Variants in SLC24A2 observed in about 807,000 individuals in gnomAD.
SLC24A2 encodes sodium/potassium/calcium exchanger 2.
Under a neutral mutation model 62.0 loss-of-function variants are expected in SLC24A2, and 36 were observed. The ratio of observed to expected loss-of-function variants is 0.58; its 90% CI spans 0.44 to 0.77. The LOEUF is 0.77. Ranked by LOEUF, SLC24A2 falls within the 30% of genes least tolerant of loss-of-function variation. The pLI, the probability that SLC24A2 is intolerant of heterozygous loss-of-function variation, is 0.00. For missense variants in SLC24A2, 846 were observed against 817.9 expected (o/e 1.03, Z -0.42); for synonymous variants, 358 against 294.0 (o/e 1.22, Z -2.23).
the SLC24A2 span, among the ~76,000 whole-genome samples, chr9:20,067,565 T>A: frequency 6.6e-6 from 1 of 152,154 alleles, no homozygotes; most frequent in Non-Finnish European, 1.5e-5. Flanking sequence ...GTCCACAGTA[T>A]CTATTGTTCC....
chr9:19,528,990 C>T (rs1024304457), intron 8 of SLC24A2, among the ~76,000 whole-genome samples: 2 of 152,132 alleles, frequency 1.3e-5, no homozygotes, highest in South Asian at 2.1e-4. Flanking sequence ...GTGTTTCTTA[C>T]CCAGTCCCAC....
chr9:19,992,899 A>G, the SLC24A2 span, among the ~76,000 whole-genome samples: 1 of 152,198 alleles, frequency 6.6e-6, no homozygotes, highest in African/African-American at 2.4e-5. Context: ...ATTTTTCATC[A>G]GTGTGGGGTA....
chr9:19,571,076 G>C (rs972106084), intron 7 of SLC24A2, among the ~76,000 whole-genome samples: 1 of 152,214 alleles, frequency 6.6e-6, no homozygotes, highest in South Asian at 2.1e-4. Flanking sequence ...CTGTCAGCCA[G>C]ATGGAGAGGC....
the SLC24A2 span, among the ~76,000 whole-genome samples, chr9:19,977,454 G>C: frequency 1.3e-5 from 2 of 152,086 alleles, no homozygotes; most frequent in African/African-American, 4.8e-5. Flanking sequence ...GATGATGGTC[G>C]TGGAGCATGA....
chr9:20,026,737 G>C, the SLC24A2 span, among the ~76,000 whole-genome samples: 14 of 152,120 alleles, frequency 9.2e-5, no homozygotes, highest in African/African-American at 3.1e-4. Context: ...AGAAAACATA[G>C]GGGAAAAGCT....
the SLC24A2 span, among the ~76,000 whole-genome samples, chr9:20,066,900 T>C: frequency 6.6e-6 from 1 of 152,320 alleles, no homozygotes; most frequent in Admixed American, 6.5e-5. Flanking sequence ...GGCTAATTGT[T>C]TGGAGTGATC....
At chr9:20,140,485 G>A in the SLC24A2 span, among the ~76,000 whole-genome samples, 1 of 152,166 alleles carries the variant, frequency 6.6e-6, no homozygotes, top group African/African-American at 2.4e-5. Flanking sequence ...GAAGACTCAG[G>A]CAGACTGGAA....
intron 8 of SLC24A2, among the ~76,000 whole-genome samples, chr9:19,535,917 A>G (rs754948787): frequency 3.9e-5 from 6 of 152,130 alleles, no homozygotes; most frequent in Non-Finnish European, 8.8e-5. Flanking sequence ...CATTGAATCT[A>G]TAAATTACTT....
the SLC24A2 span, among the ~76,000 whole-genome samples, chr9:19,948,727 C>T: frequency 2.0e-5 from 3 of 150,866 alleles, no homozygotes; most frequent in Admixed American, 2.0e-4. Context: ...CGCCTGTAGT[C>T]CCAGCTACTC....
the SLC24A2 span, among the ~76,000 whole-genome samples, chr9:19,851,843 C>T: frequency 1.3e-5 from 2 of 152,090 alleles, no homozygotes; most frequent in East Asian, 1.9e-4. Flanking sequence ...TGGGTATATA[C>T]CCAGTAATGG....
the SLC24A2 span, among the ~76,000 whole-genome samples, chr9:19,842,041 C>A: frequency 6.6e-6 from 1 of 152,332 alleles, no homozygotes; most frequent in Non-Finnish European, 1.5e-5. Flanking sequence ...CCACCATTCC[C>A]TGTGGGAACT....
At chr9:19,844,141 A>G in the SLC24A2 span, among the ~76,000 whole-genome samples, 2 of 152,252 alleles carry the variant, frequency 1.3e-5, no homozygotes, top group East Asian at 3.8e-4. Flanking sequence ...CATTGCCACC[A>G]ACAGTGTATA....
the SLC24A2 span, among the ~76,000 whole-genome samples, chr9:19,829,797 G>GTA: frequency 1.3e-4 from 11 of 87,552 alleles, no homozygotes; most frequent in East Asian, 4.8e-4. Flanking sequence ...GTGTGTGTGT[G>GTA]TATATATATA....
chr9:20,246,855 C>T, the SLC24A2 span, among the ~76,000 whole-genome samples: 6 of 152,216 alleles, frequency 3.9e-5, no homozygotes, highest in Non-Finnish European at 8.8e-5. Flanking sequence ...CCAGTCCCAA[C>T]TGAAGCTGCC....
chr9:19,620,449 C>G (rs1468198019), intron 3 of SLC24A2, among the ~76,000 whole-genome samples: 1 of 152,180 alleles, frequency 6.6e-6, no homozygotes, highest in Non-Finnish European at 1.5e-5. Context: ...ATCATGAAAC[C>G]ATGAGAACTC....
the SLC24A2 span, among the ~76,000 whole-genome samples, chr9:20,111,518 A>T: frequency 1.3e-5 from 2 of 152,194 alleles, no homozygotes; most frequent in Non-Finnish European, 2.9e-5. Flanking sequence ...TGAATATGCC[A>T]TCTGTTTCTA....
intron 8 of SLC24A2, among the ~76,000 whole-genome samples, chr9:19,542,851 G>C (rs199726232): frequency 6.6e-6 from 1 of 152,104 alleles, no homozygotes; most frequent in Non-Finnish European, 1.5e-5. Context: ...TATTTTATTG[G>C]GGATTTTCGC....
chr9:19,737,048 G>T (rs2118746515), intron 2 of SLC24A2, among the ~76,000 whole-genome samples: 1 of 152,294 alleles, frequency 6.6e-6, no homozygotes, highest in Non-Finnish European at 1.5e-5. Flanking sequence ...GCAAGCAAAA[G>T]AAATCAGTAT....
the SLC24A2 span, among the ~76,000 whole-genome samples, chr9:19,911,276 C>G: frequency 1.2e-4 from 19 of 152,164 alleles, no homozygotes; most frequent in African/African-American, 4.6e-4. Flanking sequence ...CATAGTATTC[C>G]ATGGTGTCTA....
Sources: gnomAD v4.1 joint callset for allele counts (sites outside exome capture counted in the v4.1 genomes callset) on GRCh38, gnomAD v4.1.1 for gene constraint, MANE v1.5 for transcripts, NCBI Gene and HGNC (gene_info 2026-07-23, HGNC 2026-07-21) for gene names.